FGF12: variants seen among roughly 807,000 people sequenced by gnomAD.
FGF12 encodes the protein fibroblast growth factor 12.
Under a neutral mutation model 23.6 loss-of-function variants are expected in FGF12, and 14 were observed. The ratio of observed to expected loss-of-function variants is 0.59; its 90% CI spans 0.39 to 0.93. FGF12 has a LOEUF of 0.93. Ranked by LOEUF, FGF12 falls within the 40% of genes least tolerant of loss-of-function variation. The pLI is 0.00. For missense variants in FGF12, 175 were observed against 217.8 expected (o/e 0.80, Z 1.24); for synonymous variants, 62 against 77.3 (o/e 0.80, Z 1.04).
chr3:192,441,270 C>A, intron 2 of FGF12, among the ~76,000 whole-genome samples: 1 of 152,138 alleles, frequency 6.6e-6, no homozygotes, highest in East Asian at 1.9e-4. Context: ...TTATCTTTTT[C>A]TGAGTAAATG....
At chr3:192,611,714 T>C (rs1367584788) in intron 2 of FGF12, among the ~76,000 whole-genome samples, 2 of 151,950 alleles carry the variant, frequency 1.3e-5, no homozygotes, top group African/African-American at 4.8e-5. Context: ...TGCTGTCATA[T>C]TAAAAGGATG....
intron 2 of FGF12, among the ~76,000 whole-genome samples, chr3:192,537,299 T>C (rs970144557): frequency 6.6e-6 from 1 of 152,110 alleles, no homozygotes. Context: ...CTGATTTCTT[T>C]TCTTTTGGGT....
At chr3:192,417,489 CT>C (rs1721394065) in intron 2 of FGF12, among the ~76,000 whole-genome samples, 1 of 151,966 alleles carries the variant, frequency 6.6e-6, no homozygotes, top group Non-Finnish European at 1.5e-5. Flanking sequence ...AAGATAGACA[CT>C]GTAAGCATGT....
At chr3:192,387,705 T>TAC (rs997627943) in intron 2 of FGF12, among the ~76,000 whole-genome samples, 12 of 142,948 alleles carry the variant, frequency 8.4e-5, no homozygotes, top group Admixed American at 2.0e-4. Flanking sequence ...AAAAAAAAAA[T>TAC]ACACACACAC....
chr3:192,437,923 C>A (rs1157657453), intron 2 of FGF12, among the ~76,000 whole-genome samples: 1 of 152,130 alleles, frequency 6.6e-6, no homozygotes, highest in African/African-American at 2.4e-5. Context: ...CTTCTTTTGT[C>A]CCTGAATAAA....
intron 2 of FGF12, among the ~76,000 whole-genome samples, chr3:192,573,926 A>G (rs956498878): frequency 1.3e-5 from 2 of 152,222 alleles, no homozygotes; most frequent in East Asian, 3.9e-4. Flanking sequence ...AAAGTTCAAT[A>G]ATAGGTTTAA....
chr3:192,631,719 T>C (rs911377827), intron 2 of FGF12, among the ~76,000 whole-genome samples: 1 of 152,224 alleles, frequency 6.6e-6, no homozygotes, highest in African/African-American at 2.4e-5. Context: ...TATCATTGTA[T>C]TTCTGCATAT....
At chr3:192,687,340 GCAGTGAAGACTCTCACGCCCCACACA>G (rs1404215187) in intron 2 of FGF12, among the ~76,000 whole-genome samples, 1 of 151,932 alleles carries the variant, frequency 6.6e-6, no homozygotes, top group Non-Finnish European at 1.5e-5. Context: ...GTTCTTGGTG[GCAGTGAAGACTCTCACGCCCCACACA>G]TGGCACATAT....
intron 2 of FGF12, among the ~76,000 whole-genome samples, chr3:192,529,411 G>C (rs186556141): frequency 7.2e-5 from 11 of 152,182 alleles, no homozygotes; most frequent in African/African-American, 2.6e-4. Flanking sequence ...CAGCATTTTG[G>C]TCAAAGCCAT....
At position 192,325,624 on chromosome 3, in the gene FGF12, T is replaced by C. The variant is rs572729062; in HGVS notation, c.228+9737A>G. ...TGATAAGGAAACTCAAATTCCAGAG[T>C]GGGCAACTGCTTTGTACCTCTACTC... On this transcript the variant is annotated intron_variant, in intron 4 of 5. Coordinates refer to ENST00000445105, the MANE Select transcript of FGF12 (RefSeq NM_004113.6). Among the ~76,000 whole-genome samples the C allele has an allele frequency of 9.9e-5, 15 of 152,170 alleles. No individual in the cohort carries two copies. The South Asian group carries it at 2.9e-3, about 29-fold the overall frequency.
intron 4 of FGF12, among the ~76,000 whole-genome samples, chr3:192,249,160 T>C (rs1458985365): frequency 6.6e-6 from 1 of 152,162 alleles, no homozygotes; most frequent in Admixed American, 6.5e-5. Flanking sequence ...AGGAAAGGTA[T>C]GTGATATAAC....
chr3:192,564,863 G>C (rs928360830), intron 2 of FGF12, among the ~76,000 whole-genome samples: 2 of 152,228 alleles, frequency 1.3e-5, no homozygotes, highest in Admixed American at 1.3e-4. Flanking sequence ...CCTTAAGAAT[G>C]TAAGCTCTTG....
At chr3:192,595,701 G>C (rs770842188) in intron 2 of FGF12, among the ~76,000 whole-genome samples, 8 of 152,128 alleles carry the variant, frequency 5.3e-5, no homozygotes, top group Non-Finnish European at 7.3e-5. Flanking sequence ...TGTAGTAAGT[G>C]GTAGGCTTTG....
At position 192,519,333 on chromosome 3, in the gene FGF12, G is replaced by A. The variant is rs115321334; in HGVS notation, c.14-158795C>T. On this transcript the variant is annotated intron_variant, in intron 2 of 5. Coordinates refer to ENST00000445105, the MANE Select transcript of FGF12 (RefSeq NM_004113.6). ...AATAGGTATTGGTCAAATATTTTGC[G>A]GAATGTCTTTCAATTTGGATTTGTC... Among the ~76,000 whole-genome samples the A allele has an allele frequency of 6.4e-3, 975 of 152,160 alleles. 3 individuals carry two copies. Among genetic ancestry groups the A allele is most frequent in the African/African-American group, 8.8e-3 (365 of 41,498 alleles).
intron 4 of FGF12, among the ~76,000 whole-genome samples, chr3:192,324,715 T>C (rs1716732056): frequency 6.6e-6 from 1 of 152,346 alleles, no homozygotes; most frequent in Non-Finnish European, 1.5e-5. Flanking sequence ...GATTCACTGA[T>C]GACTAAAGAA....
chr3:192,306,721 G>A (rs1334222221), intron 4 of FGF12, among the ~76,000 whole-genome samples: 1 of 152,118 alleles, frequency 6.6e-6, no homozygotes, highest in African/African-American at 2.4e-5. Context: ...GCTTATCCAG[G>A]GCAGAAGCTA....
Position 192,247,063 on chromosome 3 carries a change from AGG to A in FGF12, c.229-76409_229-76408del, listed in dbSNP as rs1711660123. 5.5e-5 allele frequency among the ~76,000 whole-genome samples: 8 copies of A among 145,604 alleles called. No homozygotes were observed. The South Asian group carries it at 1.6e-3, about 30-fold the overall frequency. On this transcript the variant is annotated intron_variant, in intron 4 of 5. Transcript: ENST00000445105. The stretch of plus-strand genomic sequence containing the variant: ...AAGGAAGGAAGGAAGGAAGGAAGGA[AGG>A]AAGGAAGGAAGGAAGGAAGGAAGGA...
rs144491324 is a variant in FGF12 at position 192,683,790 on chromosome 3, C to G, written c.13+43391G>C. 2.8e-4 allele frequency among the ~76,000 whole-genome samples: 43 copies of G among 152,284 alleles called. 1 individual carries two copies. The East Asian group carries it at 7.9e-3, about 28-fold the overall frequency. ...AGAAAATTCATTTCTTTCTTTCCTTCCTAAAGGCACAGGCAACAGAATTGA... is the reference window on the plus strand; with the variant it reads ...AGAAAATTCATTTCTTTCTTTCCTTGCTAAAGGCACAGGCAACAGAATTGA... On this transcript the variant is annotated intron_variant, in intron 2 of 5. Coordinates refer to ENST00000445105, the MANE Select transcript of FGF12 (RefSeq NM_004113.6).
At chr3:192,572,518 G>C (rs981556852) in intron 2 of FGF12, among the ~76,000 whole-genome samples, 1 of 152,116 alleles carries the variant, frequency 6.6e-6, no homozygotes, top group Admixed American at 6.6e-5. Context: ...GTTTTGTAGT[G>C]ACACAAACAG....
Sources: allele counts gnomAD v4.1 joint callset (sites outside exome capture counted in the v4.1 genomes callset), GRCh38; gene constraint gnomAD v4.1.1; transcripts MANE v1.5; gene names NCBI Gene and HGNC (gene_info 2026-07-23, HGNC 2026-07-21).